The following UBE2L6 variants were observed in gnomAD, a reference collection of about 807,000 sequenced individuals.
UBE2L6 encodes ubiquitin conjugating enzyme E2 L6.
Under a neutral mutation model 13.6 loss-of-function variants are expected in UBE2L6, and 11 were observed. That is an observed-to-expected ratio of 0.81 (90% CI 0.51 to 1.34). The LOEUF (loss-of-function observed/expected upper bound fraction) is 1.34. Ranked by LOEUF, UBE2L6 falls within the 40% of genes most tolerant of loss-of-function variation. The pLI is 0.00. For missense variants in UBE2L6, 197 were observed against 199.5 expected (o/e 0.99, Z 0.07); for synonymous variants, 74 against 83.2 (o/e 0.89, Z 0.60).
intron 3 of UBE2L6, among the ~76,000 whole-genome samples, chr11:57,553,283 C>T (rs1482019214): frequency 6.6e-6 from 1 of 152,230 alleles, no homozygotes; most frequent in African/African-American, 2.4e-5. Context: ...GGCTTGAACT[C>T]ACGAGTTTGA....
Position 57,562,101 on chromosome 11 carries a change from G to T in UBE2L6, c.28-1669C>A, listed in dbSNP as rs535621265. Among the ~76,000 whole-genome samples, 16 of 152,352 alleles carry T rather than the reference G, an allele frequency of 1.1e-4. No individual in the cohort carries two copies. The South Asian group carries it at 1.4e-3, about 14-fold the overall frequency. ...AGAGGGGAGACCGCTGCCCTGCAGG[G>T]TGAGTCTCAGGCCTGGTCACATTCA... On this transcript the variant is annotated intron_variant, in intron 1 of 3. Coordinates refer to ENST00000287156, the MANE Select transcript of UBE2L6 (RefSeq NM_004223.5).
intron 1 of UBE2L6, among the ~76,000 whole-genome samples, chr11:57,562,264 G>A (rs1423723835): frequency 3.3e-5 from 5 of 152,224 alleles, no homozygotes; most frequent in African/African-American, 4.8e-5. Context: ...GGAAGAGTGG[G>A]AAGGACTGTG....
At chr11:57,552,550 G>A (rs1944967797) in intron 3 of UBE2L6, 41 bp from the exon 4 acceptor site, 1 of 1,611,426 alleles carries the variant, frequency 6.2e-7, no homozygotes, top group African/African-American at 1.3e-5. Flanking sequence ...AGGGCAGAGG[G>A]AAGGGAGTCA....
Position 57,554,531 on chromosome 11 carries a change from G to C in UBE2L6, c.216C>G (p.Thr72=). The C allele has an allele frequency of 6.2e-7, 1 of 1,614,152 alleles. No homozygotes were observed. Among genetic ancestry groups the C allele is most frequent in the Admixed American group, 1.7e-5 (1 of 60,020 alleles). ...CGTCCACGTTGGGGTGGTAGATCTT[G>C]GTTGTGAATTTGATCATGGGAGGCT... ...PFKPPMIKFT[T]KIYHPNVDEN... The change falls in exon 3 of 4, where the codon ACC becomes ACG. Residue 72 remains threonine, a synonymous_variant. Transcript: ENST00000287156.
chr11:57,552,005 T>A lies in UBE2L6; in HGVS notation c.*353A>T. The A allele has an allele frequency of 4.1e-6, 1 of 243,294 alleles. No individual in the cohort carries two copies. The highest frequency in any genetic ancestry group is 8.0e-6 in the Non-Finnish European group (1 of 124,340). 15.1% of individuals were successfully genotyped at this position (243,294 alleles called of 1,614,324 possible). A position where few individuals can be genotyped will look rare whatever the true frequency, so the allele number is the denominator to read the frequency against. ...TGCCTGAGCCCTAGGGGGATTCGAGTTGGCTGCTGGATTCATTTCCTGCAA... is the reference window on the plus strand; with the variant it reads ...TGCCTGAGCCCTAGGGGGATTCGAGATGGCTGCTGGATTCATTTCCTGCAA... On this transcript the variant is annotated 3_prime_UTR_variant, in exon 4 of 4. Transcript: ENST00000287156.
Position 57,554,521 on chromosome 11 carries a change from G to T in UBE2L6, c.226C>A (p.His76Asn), listed in dbSNP as rs1275580934. ...TGTCCGTTCTCGTCCACGTTGGGGT[G>T]GTAGATCTTGGTTGTGAATTTGATC... Reference protein sequence around the residue: ...PMIKFTTKIYHPNVDENGQIC... With the variant: ...PMIKFTTKIYNPNVDENGQIC... Residue 76 changes from histidine (H) to asparagine (N), a missense_variant, in exon 3 of 4, where the codon CAC (histidine) becomes AAC (asparagine). His to Asn is a moderately conservative substitution (Grantham distance 68). Coordinates refer to ENST00000287156, the MANE Select transcript of UBE2L6 (RefSeq NM_004223.5). 2 of 1,614,108 alleles carry T rather than the reference G, an allele frequency of 1.2e-6. No homozygotes were observed. Among genetic ancestry groups the T allele is most frequent in the Admixed American group, 3.3e-5 (2 of 60,010 alleles).
chr11:57,556,563 G>A (rs1476211272), intron 2 of UBE2L6, among the ~76,000 whole-genome samples: 7 of 123,536 alleles, frequency 5.7e-5, no homozygotes, highest in African/African-American at 2.3e-4. Context: ...TTGCACTCCA[G>A]CCTGGGCAAC....
intron 2 of UBE2L6, among the ~76,000 whole-genome samples, chr11:57,556,618 G>T (rs1248569904): frequency 7.1e-6 from 1 of 140,344 alleles, no homozygotes; most frequent in Non-Finnish European, 1.5e-5. Context: ...AAAAAAAAGA[G>T]AGATGGAGTA....
At chr11:57,559,835 A>G (rs1371370827) in intron 2 of UBE2L6, among the ~76,000 whole-genome samples, 1 of 152,236 alleles carries the variant, frequency 6.6e-6, no homozygotes, top group Non-Finnish European at 1.5e-5. Flanking sequence ...GAGAGACTTT[A>G]TCAAGAAAAT....
At chr11:57,557,373 A>G (rs118169993) in intron 2 of UBE2L6, among the ~76,000 whole-genome samples, 5,235 of 149,518 alleles carry the variant, frequency 0.035, 136 homozygotes, top group Non-Finnish European at 0.053. Flanking sequence ...CCTCATCAGA[A>G]GGAGATGCTG....
At chr11:57,567,712 G>A (rs1358680952), upstream of UBE2L6, 6 of 1,321,840 alleles carry the variant, frequency 4.5e-6, no homozygotes, top group African/African-American at 1.5e-5. Flanking sequence ...ACCCCCGGCA[G>A]CCCCGCCCAC....
At chr11:57,555,582 T>G (rs1944991358) in intron 2 of UBE2L6, among the ~76,000 whole-genome samples, 1 of 143,624 alleles carries the variant, frequency 7.0e-6, no homozygotes, top group African/African-American at 2.4e-5. Context: ...CAATGTGTGT[T>G]TGTTTGTTTA....
At chr11:57,566,221 C>T (rs1165282827) in intron 1 of UBE2L6, among the ~76,000 whole-genome samples, 2 of 152,162 alleles carry the variant, frequency 1.3e-5, no homozygotes, top group Non-Finnish European at 2.9e-5. Context: ...TGAGTTCTGC[C>T]AGAACTTTCC....
At chr11:57,552,812 C>T (rs1038520155) in intron 3 of UBE2L6, among the ~76,000 whole-genome samples, 1 of 152,234 alleles carries the variant, frequency 6.6e-6, no homozygotes, top group African/African-American at 2.4e-5. Flanking sequence ...AAAAACTGCT[C>T]TGTTTTCCTC....
intron 2 of UBE2L6, 133 bp from the exon 3 acceptor site, chr11:57,554,756 C>A: frequency 2.1e-6 from 2 of 930,678 alleles, no homozygotes; most frequent in East Asian, 2.6e-5. Flanking sequence ...CACCTGCATT[C>A]ATTTGACAAT....
chr11:57,565,862 A>G (rs1374266004), intron 1 of UBE2L6, among the ~76,000 whole-genome samples: 1 of 152,190 alleles, frequency 6.6e-6, no homozygotes, highest in East Asian at 1.9e-4. Flanking sequence ...CTCCAAACCC[A>G]GTCCACAAGT....
intron 1 of UBE2L6, among the ~76,000 whole-genome samples, chr11:57,566,139 C>T (rs560793239): frequency 3.3e-5 from 5 of 152,264 alleles, no homozygotes; most frequent in South Asian, 2.1e-4. Flanking sequence ...CAGGGCTGAC[C>T]GGAGAAGATC....
chr11:57,563,418 T>C (rs1484175147), intron 1 of UBE2L6, among the ~76,000 whole-genome samples: 1 of 146,708 alleles, frequency 6.8e-6, no homozygotes, highest in Non-Finnish European at 1.5e-5. Flanking sequence ...GAGGCAGAGG[T>C]TGCAGTGAGC....
chr11:57,551,908 C>T lies in UBE2L6; in HGVS notation c.*450G>A. ...CTGTATATTCCCATCAGTGGCTTGG[C>T]TGACTCAGTTGTAAATAGGGTACCC... On this transcript the variant is annotated 3_prime_UTR_variant, in exon 4 of 4. Coordinates refer to ENST00000287156, the MANE Select transcript of UBE2L6 (RefSeq NM_004223.5). 6.4e-6 allele frequency: 1 copy of T among 157,026 alleles called. No homozygotes were observed. Among genetic ancestry groups the T allele is most frequent in the Non-Finnish European group, 1.4e-5 (1 of 71,232 alleles). The allele number at this position is 157,026 out of a possible 1,614,324, so 9.7% of individuals were successfully genotyped here. A position where few individuals can be genotyped will look rare whatever the true frequency, so the allele number is the denominator to read the frequency against.
Sources: allele counts gnomAD v4.1 joint callset (sites outside exome capture counted in the v4.1 genomes callset), GRCh38; gene constraint gnomAD v4.1.1; transcripts MANE v1.5; gene names NCBI Gene and HGNC (gene_info 2026-07-23, HGNC 2026-07-21).